FMN1: variants seen among roughly 807,000 people sequenced by gnomAD.
The protein encoded by FMN1 is formin 1.
Under a neutral mutation model 132.4 loss-of-function variants are expected in FMN1, and 110 were observed. The ratio of observed to expected loss-of-function variants is 0.83; its 90% CI spans 0.71 to 0.97. The LOEUF (loss-of-function observed/expected upper bound fraction) is 0.97, where lower values mean the gene tolerates loss of function less well. Among genes scored for constraint, FMN1 ranks in the 50% least tolerant of loss-of-function variants. The pLI is 0.00. For synonymous variants in FMN1, 722 were observed against 651.7 expected, an observed-to-expected ratio of 1.11 and a Z score of -1.64; for missense variants, 1,792 against 1,705.3, an observed-to-expected ratio of 1.05 and a Z score of -0.90.
chr15:33,128,382 A>C (rs369576020), intron 4 of FMN1, among the ~76,000 whole-genome samples: 7 of 152,102 alleles, frequency 4.6e-5, no homozygotes, highest in East Asian at 1.9e-4. Flanking sequence ...CCTCTCTCCG[A>C]ACTCCAACTG....
At chr15:32,990,039 C>G (rs1390326574) in intron 7 of FMN1, among the ~76,000 whole-genome samples, 1 of 152,096 alleles carries the variant, frequency 6.6e-6, no homozygotes, top group African/African-American at 2.4e-5. Context: ...GCTTATAAAA[C>G]TTTTTGGATG....
At chr15:32,781,296 G>C (rs368230805) in intron 19 of FMN1, among the ~76,000 whole-genome samples, 17 of 152,116 alleles carry the variant, frequency 1.1e-4, no homozygotes, top group African/African-American at 3.9e-4. Context: ...TCACATACTT[G>C]TTGGCATCTG....
chr15:33,127,410 A>ATCCTTT (rs1439958274), intron 4 of FMN1, among the ~76,000 whole-genome samples: 6 of 152,242 alleles, frequency 3.9e-5, no homozygotes, highest in African/African-American at 1.4e-4. Context: ...AGGATGGACC[A>ATCCTTT]GAACAACTAT....
intron 7 of FMN1, among the ~76,000 whole-genome samples, chr15:32,983,041 G>A (rs111316293): frequency 6.6e-5 from 10 of 151,852 alleles, no homozygotes; most frequent in East Asian, 3.8e-4. Context: ...ACACATAGAC[G>A]CACACATCCT....
chr15:32,798,672 A>T, intron 19 of FMN1, 132 bp downstream of exon 19: 1 of 783,434 alleles, frequency 1.3e-6, no homozygotes, highest in African/African-American at 1.8e-5. Flanking sequence ...TGAGGCAAAA[A>T]GTCCTTCCCC....
At chr15:33,122,212 G>A (rs72721486) in intron 4 of FMN1, among the ~76,000 whole-genome samples, 2 of 152,108 alleles carry the variant, frequency 1.3e-5, no homozygotes, top group East Asian at 1.9e-4. Flanking sequence ...CTGACCTATA[G>A]TCACCAAAAA....
chr15:33,036,125 G>A (rs976719646), intron 6 of FMN1, among the ~76,000 whole-genome samples: 1 of 152,130 alleles, frequency 6.6e-6, no homozygotes, highest in African/African-American at 2.4e-5. Context: ...GAATTACTCA[G>A]AGTCAGGTAT....
intron 12 of FMN1, among the ~76,000 whole-genome samples, chr15:32,907,078 T>TA (rs1387183897): frequency 6.6e-6 from 1 of 152,192 alleles, no homozygotes; most frequent in African/African-American, 2.4e-5. Flanking sequence ...CCAACCTTTT[T>TA]AGCACAGGGA....
chr15:32,870,448 A>T (rs2059488944), intron 16 of FMN1, among the ~76,000 whole-genome samples: 1 of 152,196 alleles, frequency 6.6e-6, no homozygotes, highest in African/African-American at 2.4e-5. Context: ...CATGATTGGG[A>T]GTGAGTATTC....
intron 9 of FMN1, among the ~76,000 whole-genome samples, chr15:32,955,455 A>C (rs1395698995): frequency 3.3e-5 from 5 of 152,162 alleles, no homozygotes; most frequent in Admixed American, 2.6e-4. Flanking sequence ...ACATCTTCAC[A>C]TACTTCTAGC....
At chr15:33,075,307 T>G (rs2038165534) in intron 5 of FMN1, among the ~76,000 whole-genome samples, 1 of 152,148 alleles carries the variant, frequency 6.6e-6, no homozygotes, top group African/African-American at 2.4e-5. Context: ...TAACAGATGT[T>G]TTTAGCATTC....
chr15:32,971,560 A>T (rs1450940136), intron 7 of FMN1, among the ~76,000 whole-genome samples: 1 of 152,084 alleles, frequency 6.6e-6, no homozygotes, highest in Middle Eastern at 3.2e-3. Context: ...AGCCCTGATT[A>T]CCACCCTGAA....
chr15:33,067,540 A>T (rs1251561745), intron 5 of FMN1: 1 of 1,613,858 alleles, frequency 6.2e-7, no homozygotes, highest in East Asian at 2.2e-5. Flanking sequence ...GAGCAAGGAG[A>T]GATGTCCCTG....
chr15:33,081,734 G>A (rs2038468299), intron 5 of FMN1, among the ~76,000 whole-genome samples: 1 of 152,186 alleles, frequency 6.6e-6, no homozygotes, highest in Admixed American at 6.5e-5. Flanking sequence ...TCCTGCCCGT[G>A]CCCTTGCTGA....
At chr15:32,856,248 C>T (rs955492400) in intron 17 of FMN1, among the ~76,000 whole-genome samples, 1 of 152,176 alleles carries the variant, frequency 6.6e-6, no homozygotes, top group African/African-American at 2.4e-5. Context: ...ATGTGTGTTT[C>T]CTCTAGCTTT....
chr15:32,768,117 A>ACATCTCCTATAAAGAAATCTGGAATT lies in FMN1; in HGVS notation c.*6167_*6192dup, dbSNP rs2056108078. On this transcript the variant is annotated 3_prime_UTR_variant, in exon 21 of 21. Coordinates refer to ENST00000616417, the MANE Select transcript of FMN1 (RefSeq NM_001277313.2). The stretch of plus-strand genomic sequence containing the variant: ...TTGTATGCTATAAACTCCTTTTTAT[A>ACATCTCCTATAAAGAAATCTGGAATT]CATCTCCTATAAAGAAATCTGGAAT... 2.0e-5 allele frequency: 3 copies of ACATCTCCTATAAAGAAATCTGGAATT among 152,212 alleles called. No individual in the cohort carries two copies. Among genetic ancestry groups the ACATCTCCTATAAAGAAATCTGGAATT allele is most frequent in the Admixed American group, 6.5e-5 (1 of 15,284 alleles). The allele number at this position is 152,212 out of a possible 1,614,324, so 9.4% of individuals were successfully genotyped here. A position where few individuals can be genotyped will look rare whatever the true frequency, so the allele number is the denominator to read the frequency against.
At chr15:32,950,020 T>TAC (rs1308901143) in intron 9 of FMN1, among the ~76,000 whole-genome samples, 15 of 2,898 alleles carry the variant, frequency 5.2e-3, no homozygotes, top group South Asian at 0.036. Flanking sequence ...TATATACACA[T>TAC]ATATATATAT....
At chr15:33,179,498 G>C (rs1021191275) in intron 3 of FMN1, among the ~76,000 whole-genome samples, 1 of 152,152 alleles carries the variant, frequency 6.6e-6, no homozygotes, top group African/African-American at 2.4e-5. Flanking sequence ...CATTAGAAAG[G>C]CTTCCTTGGT....
At chr15:33,101,932 C>T (rs1266400498) in intron 4 of FMN1, among the ~76,000 whole-genome samples, 1 of 152,134 alleles carries the variant, frequency 6.6e-6, no homozygotes, top group African/African-American at 2.4e-5. Flanking sequence ...TAATACACTT[C>T]CTTGTCTATT....
Sources: gnomAD v4.1 joint callset for allele counts (sites outside exome capture counted in the v4.1 genomes callset) on GRCh38, gnomAD v4.1.1 for gene constraint, MANE v1.5 for transcripts, NCBI Gene and HGNC (gene_info 2026-07-23, HGNC 2026-07-21) for gene names.